SDK1: variants seen among roughly 807,000 people sequenced by gnomAD.
SDK1 encodes sidekick cell adhesion molecule 1.
SDK1 carries 157 observed loss-of-function variants against 245.5 expected under a neutral mutation model. The ratio of observed to expected loss-of-function variants is 0.64; its 90% CI spans 0.56 to 0.73. SDK1 has a LOEUF of 0.73. SDK1 is among the 30% of genes least tolerant of loss of function. SDK1 has a pLI of 0.00. For missense variants in SDK1, 3,583 were observed against 3,002.3 expected, an observed-to-expected ratio of 1.19 and a Z score of -4.52; for synonymous variants, 1,647 against 1,278.5, an observed-to-expected ratio of 1.29 and a Z score of -6.15.
intron 4 of SDK1, among the ~76,000 whole-genome samples, chr7:3,758,719 C>T (rs537780256): frequency 7.2e-5 from 11 of 152,258 alleles, no homozygotes; most frequent in Admixed American, 4.6e-4. Context: ...TTTAAGAACC[C>T]TGGTGCCTTT....
intron 7 of SDK1, among the ~76,000 whole-genome samples, chr7:3,955,767 T>C (rs952613317): frequency 5.9e-5 from 9 of 152,166 alleles, no homozygotes; most frequent in Non-Finnish European, 1.0e-4. Flanking sequence ...CATGGTGTTG[T>C]TGGGGGGTCC....
At chr7:4,235,272 C>A (rs1397290521) in intron 41 of SDK1, among the ~76,000 whole-genome samples, 2 of 152,142 alleles carry the variant, frequency 1.3e-5, no homozygotes, top group South Asian at 2.1e-4. Context: ...TCAAGGGATT[C>A]TCCTGCCTCA....
chr7:3,915,094 A>G (rs1021957599), intron 5 of SDK1, among the ~76,000 whole-genome samples: 2 of 152,230 alleles, frequency 1.3e-5, no homozygotes, highest in Non-Finnish European at 2.9e-5. Flanking sequence ...AGAGCTTTCA[A>G]TTAGCCCCTA....
chr7:3,320,225 G>T (rs1054584252), intron 1 of SDK1, among the ~76,000 whole-genome samples: 1 of 151,962 alleles, frequency 6.6e-6, no homozygotes, highest in Non-Finnish European at 1.5e-5. Flanking sequence ...CTGGAGACCT[G>T]AGTCTCATTT....
intron 1 of SDK1, among the ~76,000 whole-genome samples, chr7:3,320,043 A>G (rs1268611960): frequency 1.3e-5 from 2 of 151,732 alleles, no homozygotes; most frequent in Admixed American, 6.6e-5. Context: ...GCAGAATCAC[A>G]ATTCTTCTAC....
Position 4,049,405 on chromosome 7 carries a change from A to G in SDK1, c.2660A>G (p.Gln887Arg), listed in dbSNP as rs2128165762. 3 of 1,614,130 alleles carry G rather than the reference A, an allele frequency of 1.9e-6. No homozygotes were observed. The highest frequency in any genetic ancestry group is 2.5e-6 in the Non-Finnish European group (3 of 1,180,026). The stretch of plus-strand genomic sequence containing the variant: ...GAAGCCGTGAACTCCACCACCATTC[A>G]GTTCCTGTGGAACCCTCCGCCTCAG... ...QTEAVNSTTI[Q>R]FLWNPPPQQF... Residue 887 changes from glutamine (Q) to arginine (R), a missense_variant, in exon 18 of 45, where the codon CAG becomes CGG. Coordinates refer to ENST00000404826, the MANE Select transcript of SDK1 (RefSeq NM_152744.4).
intron 38 of SDK1, among the ~76,000 whole-genome samples, chr7:4,219,364 A>T (rs933135235): frequency 2.0e-5 from 3 of 152,226 alleles, no homozygotes; most frequent in Admixed American, 6.5e-5. Context: ...TGGGTAATTT[A>T]TAAAGGAAAG....
chr7:3,377,839 C>G (rs1464674991), intron 1 of SDK1, among the ~76,000 whole-genome samples: 1 of 152,096 alleles, frequency 6.6e-6, no homozygotes, highest in Non-Finnish European at 1.5e-5. Context: ...AGTGCAGTGG[C>G]ACGATCTCGG....
intron 1 of SDK1, among the ~76,000 whole-genome samples, chr7:3,383,300 A>C (rs1378285790): frequency 1.3e-5 from 2 of 152,128 alleles, no homozygotes; most frequent in Admixed American, 1.3e-4. Flanking sequence ...GGTTCCAGCT[A>C]CTAGGGAGAC....
At chr7:3,944,534 T>G (rs1440535211) in intron 5 of SDK1, among the ~76,000 whole-genome samples, 1 of 152,244 alleles carries the variant, frequency 6.6e-6, no homozygotes, top group Non-Finnish European at 1.5e-5. Context: ...TTGATGAGTG[T>G]TTATTATATC....
At chr7:4,131,225 G>C (rs1010218747) in intron 27 of SDK1, among the ~76,000 whole-genome samples, 4 of 152,208 alleles carry the variant, frequency 2.6e-5, no homozygotes, top group Non-Finnish European at 5.9e-5. Flanking sequence ...TCCTGAAGCA[G>C]GCGCTGGTGA....
chr7:3,380,175 T>C (rs1028749615), intron 1 of SDK1, among the ~76,000 whole-genome samples: 1 of 152,230 alleles, frequency 6.6e-6, no homozygotes, highest in African/African-American at 2.4e-5. Flanking sequence ...GTTTATCTTA[T>C]GGTTTGGCTT....
At chr7:3,346,157 A>G (rs1780486758) in intron 1 of SDK1, among the ~76,000 whole-genome samples, 1 of 152,184 alleles carries the variant, frequency 6.6e-6, no homozygotes, top group Non-Finnish European at 1.5e-5. Flanking sequence ...TGTCTTAAGA[A>G]TAAATTTCAG....
At chr7:3,327,013 G>A (rs1266971894) in intron 1 of SDK1, among the ~76,000 whole-genome samples, 3 of 152,156 alleles carry the variant, frequency 2.0e-5, no homozygotes, top group Non-Finnish European at 4.4e-5. Flanking sequence ...CTCTTAGGTT[G>A]AATAATCTTA....
At chr7:3,999,467 A>AG (rs1033621715) in intron 14 of SDK1, among the ~76,000 whole-genome samples, 1 of 152,198 alleles carries the variant, frequency 6.6e-6, no homozygotes, top group Non-Finnish European at 1.5e-5. Flanking sequence ...CCGTCAGGGA[A>AG]GGGGGGTTCC....
intron 1 of SDK1, among the ~76,000 whole-genome samples, chr7:3,527,324 T>TTGAGTA (rs1783172498): frequency 6.6e-6 from 1 of 152,116 alleles, no homozygotes. Flanking sequence ...CTGCAGAGTG[T>TTGAGTA]TGAGTACTGT....
At chr7:3,510,060 G>A (rs908788093) in intron 1 of SDK1, among the ~76,000 whole-genome samples, 1 of 152,172 alleles carries the variant, frequency 6.6e-6, no homozygotes, top group South Asian at 2.1e-4. Flanking sequence ...ACTTAGAACT[G>A]GGAGGGGGCT....
chr7:3,755,781 C>T (rs1443652453), intron 4 of SDK1, among the ~76,000 whole-genome samples: 3 of 151,858 alleles, frequency 2.0e-5, no homozygotes, highest in Admixed American at 6.6e-5. Context: ...GCTTTTTGAA[C>T]CTGAGTCCCT....
Position 4,069,034 on chromosome 7 carries a change from T to A in SDK1, c.3010+1098T>A, listed in dbSNP as rs535342836. On this transcript the variant is annotated intron_variant, in intron 20 of 44. Coordinates refer to ENST00000404826, the MANE Select transcript of SDK1 (RefSeq NM_152744.4). ...ACTGCGCCTGGCCAAATTTTTATAATGTCTCTGAAAAACCTTTTAGGTTAA... is the reference window on the plus strand; with the variant it reads ...ACTGCGCCTGGCCAAATTTTTATAAAGTCTCTGAAAAACCTTTTAGGTTAA... 2.0e-5 allele frequency among the ~76,000 whole-genome samples: 3 copies of A among 152,318 alleles called. 1 individual carries two copies. The East Asian group carries it at 5.8e-4, about 29-fold the overall frequency.
Sources: gnomAD v4.1 joint callset for allele counts (sites outside exome capture counted in the v4.1 genomes callset) on GRCh38, gnomAD v4.1.1 for gene constraint, MANE v1.5 for transcripts, NCBI Gene and HGNC (gene_info 2026-07-23, HGNC 2026-07-21) for gene names.